Variants in OAT observed in about 807,000 individuals in gnomAD.
OAT encodes the protein ornithine aminotransferase.
In OAT, 35 loss-of-function variants were observed where a neutral mutation model predicts 48.4. The ratio of observed to expected loss-of-function variants is 0.72; its 90% confidence interval spans 0.55 to 0.96. OAT has a LOEUF of 0.96. Ranked by LOEUF, OAT falls within the 40% of genes least tolerant of loss-of-function variation. The pLI, the probability that OAT is intolerant of heterozygous loss-of-function variation, is 0.00. For synonymous variants in OAT, 182 were observed against 198.4 expected (o/e 0.92, Z 0.70); for missense variants, 438 against 537.9 (o/e 0.81, Z 1.84).
rs1383131322 is a variant in OAT, at chr10:124,412,148, C to T, written c.24G>A (p.Leu8=). The stretch of plus-strand genomic sequence containing the variant: ...CGCGACTAAGTACAGCAAACCTCTG[C>T]AAATGTGCTAGTTTGGAAAACATTG... MFSKLAH[L]QRFAVLSRGV... is the part of the protein sequence containing the mutation. Residue 8 remains leucine, a synonymous_variant, in exon 2 of 10, where the codon TTG becomes TTA. Coordinates refer to ENST00000368845, the MANE Select transcript of OAT (RefSeq NM_000274.4). 1.2e-6 allele frequency: 2 copies of T among 1,614,032 alleles called. No homozygotes were observed. The highest frequency in any genetic ancestry group is 1.7e-4 in the Middle Eastern group (1 of 6,044).
At chr10:124,406,870 G>C in intron 4 of OAT, 8 of 729,610 alleles carry the variant, frequency 1.1e-5, no homozygotes, top group Non-Finnish European at 1.3e-5. Flanking sequence ...TATCCTCAGG[G>C]AGCTTCCTTT....
At chr10:124,405,369 A>G in intron 5 of OAT, 67 bp downstream of exon 5, 1 of 1,601,166 alleles carries the variant, frequency 6.2e-7, no homozygotes, top group Non-Finnish European at 8.5e-7. Flanking sequence ...TGTACTTTTA[A>G]TTCATATATT....
rs1360500747 is a variant in OAT at position 124,408,333 on chromosome 10, ATATATATATATTTT to A, written c.520+195_520+208del. The stretch of plus-strand genomic sequence containing the variant: ...TGTGTGTGTGTATATATATATATAT[ATATATATATATTTT>A]TTTTTTTTTTTTTTAAATAGAGACA... On this transcript the variant is annotated intron_variant, in intron 4 of 9. Transcript: ENST00000368845. 4.2e-4 allele frequency among the ~76,000 whole-genome samples: 40 copies of A among 94,500 alleles called. 1 individual carries two copies. Among genetic ancestry groups the A allele is most frequent in the Non-Finnish European group, 4.8e-4 (23 of 47,880 alleles). The allele number at this position is 94,500 out of a possible 152,430, so 62.0% of individuals were successfully genotyped here.
chr10:124,403,656 C>G (rs757888712), intron 6 of OAT, 142 bp downstream of exon 6: 20 of 1,176,148 alleles, frequency 1.7e-5, no homozygotes, highest in Non-Finnish European at 2.5e-5. Context: ...AGAATGCCAT[C>G]GCCCTCTAGT....
Position 124,408,963 on chromosome 10 carries a change from T to C in OAT, c.202A>G (p.Ile68Val), listed in dbSNP as rs766674632. The C allele has an allele frequency of 1.2e-5, 20 of 1,605,862 alleles. No individual in the cohort carries two copies. The highest frequency in any genetic ancestry group is 1.6e-5 in the Non-Finnish European group (19 of 1,172,668). The change falls in exon 3 of 10, where the codon ATT becomes GTT. Residue 68 changes from isoleucine to valine, a missense_variant and splice_region_variant. Ile to Val is a conservative substitution (Grantham distance 29). Coordinates refer to ENST00000368845, the MANE Select transcript of OAT (RefSeq NM_000274.4). The stretch of plus-strand genomic sequence containing the variant: ...CTGCCTTCTACATCCCATAAGTAAA[T>C]ACCTAAAATACATAAGAAAGGAAAA... The part of the protein sequence containing the change: ...LPVALERGKG[I>V]YLWDVEGRKY...
chr10:124,406,536 C>A (rs1263859639), intron 4 of OAT, among the ~76,000 whole-genome samples: 1 of 151,446 alleles, frequency 6.6e-6, no homozygotes, highest in Admixed American at 6.6e-5. Context: ...GTTGGGGAAG[C>A]CGGGTGCAGT....
chr10:124,418,759 TCCCCCGAACCCGGGCCGCGGCCAC>T (rs1288540281), intron 1 of OAT, 90 bp downstream of exon 1: 45 of 151,148 alleles, frequency 3.0e-4, no homozygotes, highest in South Asian at 2.5e-3. Flanking sequence ...TCAGCCAGCA[TCCCCCGAACCCGGGCCGCGGCCAC>T]CCCGCGCCCG....
intron 4 of OAT, among the ~76,000 whole-genome samples, chr10:124,408,284 A>AGTGTGTGTGT (rs71026082): frequency 3.7e-5 from 3 of 81,270 alleles, no homozygotes; most frequent in Admixed American, 1.9e-4. Context: ...AAAATATATA[A>AGTGTGTGTGT]GTGTGTGTGT....
intron 4 of OAT, chr10:124,405,779 A>G: frequency 7.5e-7 from 1 of 1,339,698 alleles, no homozygotes; most frequent in Non-Finnish European, 9.6e-7. Flanking sequence ...TGTAATTCCT[A>G]TTTTAGGCAT....
Position 124,413,267 on chromosome 10 carries a change from T to TACACACACAC in OAT, c.-29-1077_-29-1068dup, listed in dbSNP as rs58272470. On this transcript the variant is annotated intron_variant, in intron 1 of 9. Transcript: ENST00000368845. ...ACATATACATACATACATAAATACA[T>TACACACACAC]ACACACACACACACACACACACACA... 2.7e-4 allele frequency among the ~76,000 whole-genome samples: 36 copies of TACACACACAC among 134,676 alleles called. 1 individual carries two copies. The highest frequency in any genetic ancestry group is 1.0e-3 in the Admixed American group (13 of 12,866). The allele number at this position is 134,676 out of a possible 152,430, so 88.4% of individuals were successfully genotyped here. A position where few individuals can be genotyped will look rare whatever the true frequency, so the allele number is the denominator to read the frequency against.
chr10:124,397,951 C>A lies in OAT; in HGVS notation c.1311G>T (p.Leu437Phe), dbSNP rs1800456. ...ESIEIINKTI[L>F]SF is the part of the protein sequence containing the mutation. ...AAACAGCTGGCTACCCTCAGAAAGA[C>A]AAGATGGTCTTGTTAATAATTTCAA... The change falls in exon 10 of 10, where the codon TTG (leucine) becomes TTT (phenylalanine). Residue 437 changes from leucine (L) to phenylalanine (F), a missense_variant. Physicochemically the swap from Leu to Phe is conservative, Grantham distance 22. Coordinates refer to ENST00000368845, the MANE Select transcript of OAT (RefSeq NM_000274.4). 1,252 of 1,613,670 alleles carry A rather than the reference C, an allele frequency of 7.8e-4. 2 individuals are homozygous for A. The highest frequency in any genetic ancestry group is 1.0e-3 in the Non-Finnish European group (1,177 of 1,179,850).
chr10:124,407,194 T>A (rs1467081486), intron 4 of OAT: 1 of 985,306 alleles, frequency 1.0e-6, no homozygotes, highest in African/African-American at 1.7e-5. Context: ...TTGACTAGGT[T>A]TGTTTAAGAA....
rs1422238663 is a variant in OAT at position 124,403,923 on chromosome 10, A to G, written c.649-3T>C. 4 of 1,613,938 alleles carry G rather than the reference A, an allele frequency of 2.5e-6. No individual in the cohort carries two copies. The highest frequency in any genetic ancestry group is 1.3e-5 in the African/African-American group (1 of 74,932). ...ACATTTGGATCCTGAAGAGCACGCT[A>G]CAGAAGAAACAGGAATAAGTTTTAA... On this transcript the variant is annotated splice_polypyrimidine_tract_variant and splice_region_variant and intron_variant, in intron 5 of 9. Transcript: ENST00000368845.
chr10:124,402,340 T>C (rs1056765205), intron 7 of OAT, among the ~76,000 whole-genome samples: 2 of 152,218 alleles, frequency 1.3e-5, no homozygotes, highest in African/African-American at 4.8e-5. Flanking sequence ...CAATATAATT[T>C]TGCAACTAAA....
chr10:124,412,218 A>G lies in OAT; in HGVS notation c.-29-18T>C, dbSNP rs767577153. ...CCACAGATCTGTCCAAAGAAAAGAG[A>G]ATGCATTAAGAGTGAGAATCCTTGG... On this transcript the variant is annotated intron_variant, in intron 1 of 9. Coordinates refer to ENST00000368845, the MANE Select transcript of OAT (RefSeq NM_000274.4). 15 of 1,564,756 alleles carry G rather than the reference A, an allele frequency of 9.6e-6. No homozygotes were observed. The South Asian group carries it at 1.7e-4, about 17-fold the overall frequency.
At chr10:124,409,440 G>A (rs117675600) in intron 2 of OAT, among the ~76,000 whole-genome samples, 141 of 152,136 alleles carry the variant, frequency 9.3e-4, no homozygotes, top group Non-Finnish European at 1.5e-3. Context: ...GTATGGTCCC[G>A]TTACAGAGGC....
intron 4 of OAT, 115 bp from the exon 5 acceptor site, chr10:124,405,678 T>A: frequency 1.3e-6 from 2 of 1,544,612 alleles, no homozygotes. Context: ...GGGCTTGCTT[T>A]AGTGCACCTT....
chr10:124,401,686 C>T (rs1449676802), intron 8 of OAT, 40 bp downstream of exon 8: 3 of 1,341,352 alleles, frequency 2.2e-6, no homozygotes, highest in Non-Finnish European at 3.2e-6. Context: ...TTCAACATTG[C>T]TTTAAAGAAT....
intron 4 of OAT, chr10:124,405,868 C>A (rs936893725): frequency 8.3e-7 from 1 of 1,202,648 alleles, no homozygotes; most frequent in Non-Finnish European, 1.0e-6. Context: ...TAATCCCCAA[C>A]CCAAAACCAA....
Sources: allele counts gnomAD v4.1 joint callset (sites outside exome capture counted in the v4.1 genomes callset), GRCh38; gene constraint gnomAD v4.1.1; transcripts MANE v1.5; gene names NCBI Gene and HGNC (gene_info 2026-07-23, HGNC 2026-07-21).